ANXA10: variants seen among roughly 807,000 people sequenced by gnomAD.
ANXA10 encodes the protein annexin A10.
Under a neutral mutation model 53.5 loss-of-function variants are expected in ANXA10, and 49 were observed. The ratio of observed to expected loss-of-function variants is 0.92; its 90% confidence interval spans 0.73 to 1.16. The LOEUF (loss-of-function observed/expected upper bound fraction) is 1.16, where lower values mean the gene tolerates loss of function less well. Among genes scored for constraint, ANXA10 ranks in the 50% most tolerant of loss-of-function variants. The probability of loss-of-function intolerance (pLI) is 0.00; values close to 1 mark genes in which losing one functional copy is unlikely to be tolerated. For synonymous variants in ANXA10, 131 were observed against 128.9 expected (o/e 1.02, Z -0.11); for missense variants, 393 against 394.4 (o/e 1.00, Z 0.03).
At chr4:168,101,914 C>T (rs1027869786) in intron 1 of ANXA10, among the ~76,000 whole-genome samples, 1 of 152,032 alleles carries the variant, frequency 6.6e-6, no homozygotes, top group Admixed American at 6.6e-5. Flanking sequence ...TCAACAACAC[C>T]GTTCTAACCT....
intron 6 of ANXA10, among the ~76,000 whole-genome samples, chr4:168,172,659 T>C (rs1732035470): frequency 6.6e-6 from 1 of 152,144 alleles, no homozygotes; most frequent in Non-Finnish European, 1.5e-5. Context: ...CAAGAGAATA[T>C]GGACAATTAA....
intron 6 of ANXA10, among the ~76,000 whole-genome samples, chr4:168,167,087 T>C (rs1450680342): frequency 1.3e-5 from 2 of 152,160 alleles, no homozygotes; most frequent in East Asian, 3.9e-4. Flanking sequence ...CCCAATTGCT[T>C]CCATGAGTTA....
At chr4:168,118,018 G>GAGTACAGA (rs1047689327) in intron 1 of ANXA10, among the ~76,000 whole-genome samples, 30 of 151,880 alleles carry the variant, frequency 2.0e-4, no homozygotes, top group Admixed American at 2.0e-3. Context: ...GAGAATACAG[G>GAGTACAGA]AGTACTTGGA....
chr4:168,109,938 C>T (rs1330179949), intron 1 of ANXA10, among the ~76,000 whole-genome samples: 1 of 152,204 alleles, frequency 6.6e-6, no homozygotes, highest in Admixed American at 6.5e-5. Context: ...AGGCCGGGCA[C>T]GGTGGCTCAC....
At chr4:168,158,439 C>T (rs1731726052) in intron 3 of ANXA10, among the ~76,000 whole-genome samples, 1 of 152,098 alleles carries the variant, frequency 6.6e-6, no homozygotes, top group Non-Finnish European at 1.5e-5. Context: ...AAGTTAAATT[C>T]ATCATTTTTT....
intron 6 of ANXA10, among the ~76,000 whole-genome samples, chr4:168,172,743 C>A (rs1732037004): frequency 6.7e-6 from 1 of 150,308 alleles, no homozygotes; most frequent in Non-Finnish European, 1.5e-5. Context: ...AACAGAGTAA[C>A]AGGGAGAAGC....
intron 1 of ANXA10, among the ~76,000 whole-genome samples, chr4:168,122,538 T>C (rs151033313): frequency 6.6e-6 from 1 of 152,290 alleles, no homozygotes; most frequent in Non-Finnish European, 1.5e-5. Context: ...TACCTGAGAC[T>C]GAGTAATTTA....
chr4:168,156,529 G>A (rs1366982348), intron 3 of ANXA10, among the ~76,000 whole-genome samples: 1 of 146,986 alleles, frequency 6.8e-6, no homozygotes, highest in African/African-American at 2.5e-5. Flanking sequence ...TTGAGACGGA[G>A]TCTCCACTCT....
intron 6 of ANXA10, among the ~76,000 whole-genome samples, chr4:168,172,786 ATTTTTTT>A (rs34280639): frequency 1.9e-4 from 26 of 133,688 alleles, no homozygotes; most frequent in African/African-American, 6.9e-4. Flanking sequence ...GTATGTTGCC[ATTTTTTT>A]TTTTTTTTTT....
chr4:168,153,442 C>CAAAAAAAAAA (rs1560782282), intron 3 of ANXA10, among the ~76,000 whole-genome samples: 2 of 42,934 alleles, frequency 4.7e-5, no homozygotes, highest in Non-Finnish European at 4.8e-5. Context: ...AAAAAAAAAA[C>CAAAAAAAAAA]AAAAACAAAA....
intron 6 of ANXA10, among the ~76,000 whole-genome samples, chr4:168,169,277 A>C (rs548120562): frequency 6.6e-6 from 1 of 152,350 alleles, no homozygotes; most frequent in African/African-American, 2.4e-5. Flanking sequence ...ATTTTACAAT[A>C]ATGTTGCTAC....
intron 3 of ANXA10, among the ~76,000 whole-genome samples, chr4:168,153,661 T>C (rs1731546617): frequency 6.6e-6 from 1 of 152,060 alleles, no homozygotes; most frequent in Non-Finnish European, 1.5e-5. Context: ...GAAAGACATA[T>C]ATTGAATGCC....
At chr4:168,184,744 A>G in intron 11 of ANXA10, 63 bp downstream of exon 11, 1 of 1,589,970 alleles carries the variant, frequency 6.3e-7, no homozygotes, top group Non-Finnish European at 8.6e-7. Flanking sequence ...CTGAGATAAA[A>G]GTTCTCATTC....
rs143904963 is a variant in ANXA10, at chr4:168,181,421, T to G, written c.725-262T>G. On this transcript the variant is annotated intron_variant, in intron 9 of 11. Transcript: ENST00000359299. ...AAAAAAAAAAAAGAAGATGATAAAG[T>G]TTTCTTCATTAGGCTACATGAAGGA... Among the ~76,000 whole-genome samples the G allele has an allele frequency of 9.6e-3, 1,440 of 149,462 alleles. 23 individuals are homozygous for G. Among genetic ancestry groups the G allele is most frequent in the South Asian group, 0.049 (232 of 4,748 alleles).
At chr4:168,164,879 G>A (rs1208789248) in intron 5 of ANXA10, among the ~76,000 whole-genome samples, 1 of 152,156 alleles carries the variant, frequency 6.6e-6, no homozygotes. Context: ...TTTCTGAAGG[G>A]AATGAAGTCA....
intron 3 of ANXA10, among the ~76,000 whole-genome samples, chr4:168,153,981 T>TACACACACACACACAC (rs35992092): frequency 1.4e-4 from 21 of 149,332 alleles, no homozygotes; most frequent in South Asian, 6.4e-4. Context: ...TAGCTATGTA[T>TACACACACACACACAC]ACACACACAC....
chr4:168,092,775 A>C, intron 1 of ANXA10, 57 bp downstream of exon 1: 2 of 1,436,644 alleles, frequency 1.4e-6, no homozygotes, highest in East Asian at 5.2e-5. Flanking sequence ...TTGATTTATA[A>C]AATTTCATTT....
Position 168,181,729 on chromosome 4 carries a change from T to C in ANXA10, c.771T>C (p.Tyr257=), listed in dbSNP as rs1479366127. The change falls in exon 10 of 12, where the codon TAT becomes TAC. Residue 257 remains tyrosine (Y), a synonymous_variant. Coordinates refer to ENST00000359299, the MANE Select transcript of ANXA10 (RefSeq NM_007193.5). ...CAGCCTATTTTGCTTATAGATTATA[T>C]AGTGCAATTCATGTAAGTAAGACAT... ...DKPAYFAYRL[Y]SAIHDFGFHN... The C allele has an allele frequency of 5.6e-6, 9 of 1,593,874 alleles. No homozygotes were observed. The highest frequency in any genetic ancestry group is 6.9e-6 in the Non-Finnish European group (8 of 1,164,364).
intron 3 of ANXA10, among the ~76,000 whole-genome samples, chr4:168,146,739 AT>A (rs1158930586): frequency 3.9e-5 from 6 of 152,168 alleles, no homozygotes; most frequent in African/African-American, 4.8e-5. Context: ...CAGAACCTGC[AT>A]TTTTCCCCCC....
Sources: allele counts gnomAD v4.1 joint callset (sites outside exome capture counted in the v4.1 genomes callset), GRCh38; gene constraint gnomAD v4.1.1; transcripts MANE v1.5; gene names NCBI Gene and HGNC (gene_info 2026-07-23, HGNC 2026-07-21).